The following GNAQ variants were observed in gnomAD, a reference collection of about 807,000 sequenced individuals.
GNAQ encodes G protein subunit alpha q.
A neutral mutation model predicts 43.9 loss-of-function variants in GNAQ; 8 were observed. That is an observed-to-expected ratio of 0.18 (90% CI 0.11 to 0.33). The LOEUF is 0.33. Among genes scored for constraint, GNAQ ranks in the 10% least tolerant of loss-of-function variants. The pLI, the probability that GNAQ is intolerant of heterozygous loss-of-function variation, is 1.00. For missense variants in GNAQ, 158 were observed against 450.8 expected, an observed-to-expected ratio of 0.35 and a Z score of 5.88; for synonymous variants, 155 against 170.7, an observed-to-expected ratio of 0.91 and a Z score of 0.71.
At chr9:77,998,102 A>G (rs1452304952) in intron 1 of GNAQ, among the ~76,000 whole-genome samples, 1 of 152,186 alleles carries the variant, frequency 6.6e-6, no homozygotes, top group African/African-American at 2.4e-5. Context: ...GCGAGGGCCC[A>G]GGACCAGAGC....
At chr9:77,976,372 G>C (rs1209329362) in intron 1 of GNAQ, among the ~76,000 whole-genome samples, 1 of 151,618 alleles carries the variant, frequency 6.6e-6, no homozygotes, top group Non-Finnish European at 1.5e-5. Context: ...TTTGTTTTTT[G>C]GTTTTTGGTT....
chr9:77,841,620 T>C (rs985713694), intron 2 of GNAQ, among the ~76,000 whole-genome samples: 5 of 152,226 alleles, frequency 3.3e-5, no homozygotes, highest in African/African-American at 4.8e-5. Context: ...AGAATCATTA[T>C]TATTTTAGAT....
intron 1 of GNAQ, among the ~76,000 whole-genome samples, chr9:78,009,770 G>A (rs1823751604): frequency 6.6e-6 from 1 of 152,082 alleles, no homozygotes; most frequent in Admixed American, 6.5e-5. Flanking sequence ...TTGGAAGGAT[G>A]TTCCCAGAAT....
At chr9:77,864,410 GA>G (rs1326731298) in intron 2 of GNAQ, among the ~76,000 whole-genome samples, 1 of 152,208 alleles carries the variant, frequency 6.6e-6, no homozygotes, top group African/African-American at 2.4e-5. Context: ...GGTTGCAGAT[GA>G]AATTATTGTG....
chr9:77,726,701 A>C (rs1452595603), intron 6 of GNAQ, among the ~76,000 whole-genome samples: 1 of 152,194 alleles, frequency 6.6e-6, no homozygotes, highest in Non-Finnish European at 1.5e-5. Flanking sequence ...TATCACCTCT[A>C]TGGTAGATAC....
rs1823325338 is a variant in GNAQ, at chr9:77,978,004, A to C, written c.136+53096T>G. Among the ~76,000 whole-genome samples the C allele has an allele frequency of 3.9e-5, 6 of 152,238 alleles. No individual in the cohort carries two copies. In the South Asian group the frequency reaches 1.2e-3, roughly 32 times the overall value. The stretch of plus-strand genomic sequence containing the variant: ...CGTGGAAAATTATTCCTGACACTGT[A>C]CATCTACAATTTGCTGAAATTCTTC... On this transcript the variant is annotated intron_variant, in intron 1 of 6. Transcript: ENST00000286548.
At chr9:77,746,900 GTGGTGA>G (rs1825739319) in intron 5 of GNAQ, among the ~76,000 whole-genome samples, 1 of 152,194 alleles carries the variant, frequency 6.6e-6, no homozygotes, top group Non-Finnish European at 1.5e-5. Context: ...TCAGGAGGTG[GTGGTGA>G]TGGTGACTGA....
chr9:78,024,593 CTCTT>C (rs1250518001), intron 1 of GNAQ, among the ~76,000 whole-genome samples: 1 of 152,168 alleles, frequency 6.6e-6, no homozygotes, highest in Non-Finnish European at 1.5e-5. Flanking sequence ...ATTATTTTGT[CTCTT>C]TCTGTGTATG....
intron 2 of GNAQ, among the ~76,000 whole-genome samples, chr9:77,893,889 C>G (rs1435118692): frequency 2.6e-5 from 4 of 152,276 alleles, no homozygotes; most frequent in African/African-American, 4.8e-5. Context: ...TCTGCTCTCC[C>G]TGCAGGGGCC....
At chr9:77,991,743 C>CT (rs1205745993) in intron 1 of GNAQ, among the ~76,000 whole-genome samples, 1 of 152,166 alleles carries the variant, frequency 6.6e-6, no homozygotes, top group African/African-American at 2.4e-5. Context: ...TCCAAGTCCC[C>CT]TAAGTCCATT....
intron 2 of GNAQ, among the ~76,000 whole-genome samples, chr9:77,822,932 TG>T (rs1402357246): frequency 2.4e-4 from 37 of 151,532 alleles, no homozygotes; most frequent in Admixed American, 1.6e-3. Flanking sequence ...ATTTAGAAGT[TG>T]TTTTTTTTTT....
intron 5 of GNAQ, among the ~76,000 whole-genome samples, chr9:77,757,566 G>A (rs1046158821): frequency 1.3e-5 from 2 of 152,102 alleles, no homozygotes; most frequent in Non-Finnish European, 2.9e-5. Context: ...ACTGGCTCAG[G>A]TCTCCAATTC....
At chr9:78,021,548 A>ATCCAATGTTTAATTCTAAATTAAT (rs1322833293) in intron 1 of GNAQ, among the ~76,000 whole-genome samples, 1 of 152,218 alleles carries the variant, frequency 6.6e-6, no homozygotes, top group Non-Finnish European at 1.5e-5. Flanking sequence ...CACAAAATCC[A>ATCCAATGTTTAATTCTAAATTAAT]TCCAATGTTT....
intron 2 of GNAQ, among the ~76,000 whole-genome samples, chr9:77,899,002 A>G (rs1233132270): frequency 6.6e-6 from 1 of 152,194 alleles, no homozygotes; most frequent in Admixed American, 6.5e-5. Flanking sequence ...TAGCTGTACT[A>G]TAATTTACTT....
At chr9:77,927,182 T>C (rs1266645115) in intron 1 of GNAQ, among the ~76,000 whole-genome samples, 1 of 152,236 alleles carries the variant, frequency 6.6e-6, no homozygotes, top group Middle Eastern at 3.2e-3. Flanking sequence ...ATTTACTCTA[T>C]GTGTCTGATT....
At chr9:77,961,393 T>C (rs918274492) in intron 1 of GNAQ, among the ~76,000 whole-genome samples, 21 of 152,126 alleles carry the variant, frequency 1.4e-4, no homozygotes, top group Non-Finnish European at 2.4e-4. Context: ...TCCTAGAATG[T>C]GCATGACAGA....
intron 2 of GNAQ, among the ~76,000 whole-genome samples, chr9:77,819,000 T>TC (rs1371858507): frequency 5.9e-5 from 2 of 33,718 alleles, no homozygotes; most frequent in East Asian, 9.8e-4. Flanking sequence ...ATACCATCTC[T>TC]CCAAAAAAAA....
intron 2 of GNAQ, among the ~76,000 whole-genome samples, chr9:77,912,501 C>T (rs918528419): frequency 6.6e-6 from 1 of 152,024 alleles, no homozygotes; most frequent in African/African-American, 2.4e-5. Flanking sequence ...GCAAAGATTA[C>T]TTTAAAAGGA....
intron 5 of GNAQ, among the ~76,000 whole-genome samples, chr9:77,731,160 A>G (rs1192508876): frequency 1.3e-5 from 2 of 152,058 alleles, no homozygotes; most frequent in African/African-American, 2.4e-5. Context: ...CTGGCTGGAG[A>G]CTTTCAAGGG....
Sources: gnomAD v4.1 joint callset for allele counts (sites outside exome capture counted in the v4.1 genomes callset) on GRCh38, gnomAD v4.1.1 for gene constraint, MANE v1.5 for transcripts, NCBI Gene and HGNC (gene_info 2026-07-23, HGNC 2026-07-21) for gene names.